The following VIPR2 variants were observed in gnomAD, a reference collection of about 807,000 sequenced individuals.
VIPR2 encodes the protein vasoactive intestinal polypeptide receptor 2.
VIPR2 carries 48 observed loss-of-function variants against 58.0 expected under a neutral mutation model. The ratio of observed to expected loss-of-function variants is 0.83; its 90% CI spans 0.66 to 1.05. VIPR2 has a LOEUF of 1.05. Ranked by LOEUF, VIPR2 falls within the 50% of genes least tolerant of loss-of-function variation. VIPR2 has a pLI of 0.00. For missense variants in VIPR2, 534 were observed against 558.0 expected (o/e 0.96, Z 0.43); for synonymous variants, 243 against 235.2 (o/e 1.03, Z -0.30).
At chr7:159,075,776 C>T (rs191974057) in intron 4 of VIPR2, among the ~76,000 whole-genome samples, 6,198 of 143,488 alleles carry the variant, frequency 0.043, 235 homozygotes, top group African/African-American at 0.11. Flanking sequence ...CCGGCACCCA[C>T]GGACCCGCTG....
intron 4 of VIPR2, among the ~76,000 whole-genome samples, chr7:159,101,961 C>T (rs181217537): frequency 7.1e-4 from 103 of 144,870 alleles, no homozygotes; most frequent in African/African-American, 2.5e-3. Context: ...CGAGATCCGA[C>T]GAGGTGGTTC....
chr7:159,114,335 CCTGT>C (rs1221831406), intron 2 of VIPR2, among the ~76,000 whole-genome samples: 4 of 151,680 alleles, frequency 2.6e-5, no homozygotes, highest in African/African-American at 9.7e-5. Context: ...CTTGGAGACG[CCTGT>C]CTGTTTGGAA....
chr7:159,103,920 G>T, intron 3 of VIPR2, 66 bp from the exon 4 acceptor site: 1 of 1,399,514 alleles, frequency 7.1e-7, no homozygotes, highest in Non-Finnish European at 1.0e-6. Context: ...AGGGACCTTA[G>T]TCCGTGCTGA....
intron 5 of VIPR2, among the ~76,000 whole-genome samples, chr7:159,046,960 C>T (rs1413517770): frequency 1.3e-5 from 2 of 152,170 alleles, no homozygotes; most frequent in African/African-American, 2.4e-5. Flanking sequence ...CTGGGCCGGG[C>T]GCGGTGGCTC....
intron 5 of VIPR2, among the ~76,000 whole-genome samples, chr7:159,049,534 C>T (rs561347120): frequency 6.6e-6 from 1 of 152,288 alleles, no homozygotes; most frequent in African/African-American, 2.4e-5. Context: ...GGCAGCCTCA[C>T]CCGCCACAGC....
chr7:159,064,839 G>A (rs543428837), intron 4 of VIPR2, among the ~76,000 whole-genome samples: 8 of 152,298 alleles, frequency 5.3e-5, no homozygotes, highest in South Asian at 2.1e-4. Flanking sequence ...CAGAGGCCTC[G>A]CCTAGAGGCC....
intron 8 of VIPR2, among the ~76,000 whole-genome samples, chr7:159,035,522 A>G (rs1853881140): frequency 6.6e-6 from 1 of 152,248 alleles, no homozygotes; most frequent in Admixed American, 6.5e-5. Context: ...CAGGGAGAGC[A>G]TAGTGGAAAA....
chr7:159,118,177 C>T (rs1796315595), intron 2 of VIPR2, among the ~76,000 whole-genome samples: 1 of 152,224 alleles, frequency 6.6e-6, no homozygotes, highest in Non-Finnish European at 1.5e-5. Context: ...GTGACCACTC[C>T]TTCCGAAGGT....
chr7:159,140,272 C>T (rs1298860072), intron 2 of VIPR2, among the ~76,000 whole-genome samples: 1 of 152,198 alleles, frequency 6.6e-6, no homozygotes, highest in African/African-American at 2.4e-5. Flanking sequence ...CACCTGGCGT[C>T]AGGTGCAAAT....
At chr7:159,034,489 G>C (rs1853796760) in intron 9 of VIPR2, 92 bp downstream of exon 9, 14 of 1,391,496 alleles carry the variant, frequency 1.0e-5, no homozygotes, top group Admixed American at 1.7e-5. Flanking sequence ...CGTGGAATGG[G>C]GTCAGTTCTA....
At chr7:159,076,877 C>T (rs1230017437) in intron 4 of VIPR2, among the ~76,000 whole-genome samples, 1 of 152,068 alleles carries the variant, frequency 6.6e-6, no homozygotes, top group Non-Finnish European at 1.5e-5. Flanking sequence ...AGACATACAA[C>T]TTTTATTACT....
intron 2 of VIPR2, among the ~76,000 whole-genome samples, chr7:159,134,497 A>C (rs1048895845): frequency 2.2e-4 from 34 of 152,184 alleles, no homozygotes; most frequent in African/African-American, 7.5e-4. Context: ...AGTAAGAAAA[A>C]AACTGAGTGG....
intron 8 of VIPR2, chr7:159,035,599 AC>A: frequency 8.5e-6 from 7 of 826,120 alleles, no homozygotes; most frequent in Non-Finnish European, 1.0e-5. Flanking sequence ...AGCCACCATC[AC>A]CTGACCTTCC....
Position 159,095,793 on chromosome 7 carries a change from C to A in VIPR2, c.357+7964G>T, listed in dbSNP as rs1288104633. Reference sequence around the variant, plus strand: ...CCGACCTGACAGGCAGTAGGTGAATCCCTTCAAAACTCTTCCTTCTCTCTT... The same window carrying A: ...CCGACCTGACAGGCAGTAGGTGAATACCTTCAAAACTCTTCCTTCTCTCTT... On this transcript the variant is annotated intron_variant, in intron 4 of 12. Coordinates refer to ENST00000262178, the MANE Select transcript of VIPR2 (RefSeq NM_003382.5). The surrounding 1 kb of genome is among the most constrained non-coding windows in gnomAD (Gnocchi z 5.2). Among the ~76,000 whole-genome samples the A allele has an allele frequency of 6.8e-6, 1 of 148,104 alleles. No individual in the cohort carries two copies. The highest frequency in any genetic ancestry group is 1.5e-5 in the Non-Finnish European group (1 of 67,608).
intron 4 of VIPR2, among the ~76,000 whole-genome samples, chr7:159,078,632 C>T (rs1429870829): frequency 6.6e-6 from 1 of 152,160 alleles, no homozygotes; most frequent in Non-Finnish European, 1.5e-5. Context: ...AAAATATTTA[C>T]AGTTATAGCA....
At chr7:159,132,051 G>T (rs1295563917) in intron 2 of VIPR2, among the ~76,000 whole-genome samples, 1 of 151,950 alleles carries the variant, frequency 6.6e-6, no homozygotes, top group Non-Finnish European at 1.5e-5. Context: ...CTTCTGTGTC[G>T]TCTATAAAAG....
Position 159,095,940 on chromosome 7 carries a change from T to C in VIPR2, c.357+7817A>G, listed in dbSNP as rs1857809160. ...GTCCTGAAGCATGTGCTGTGTGTCC[T>C]GGAGGGGCCAGTGTGGTGTGTGGTG... On this transcript the variant is annotated intron_variant, in intron 4 of 12. Coordinates refer to ENST00000262178, the MANE Select transcript of VIPR2 (RefSeq NM_003382.5). The surrounding 1 kb of genome is among the most constrained non-coding windows in gnomAD (Gnocchi z 5.2). Among the ~76,000 whole-genome samples the C allele has an allele frequency of 1.3e-5, 2 of 152,300 alleles. No homozygotes were observed. Among genetic ancestry groups the C allele is most frequent in the Non-Finnish European group, 2.9e-5 (2 of 68,028 alleles).
In VIPR2 at chr7:159,091,999, C is replaced by A. The variant is rs149181769; in HGVS notation, c.357+11758G>T. ...CCCAGCTACTCTGGAGGCTGAGGCACGAGAATCGCTTGAACCTGGGAGGCG... is the reference window on the plus strand; with the variant it reads ...CCCAGCTACTCTGGAGGCTGAGGCAAGAGAATCGCTTGAACCTGGGAGGCG... On this transcript the variant is annotated intron_variant, in intron 4 of 12. Transcript: ENST00000262178. Among the ~76,000 whole-genome samples the A allele has an allele frequency of 9.4e-3, 1,436 of 152,276 alleles. 14 individuals are homozygous for A. The highest frequency in any genetic ancestry group is 0.015 in the Non-Finnish European group (1,011 of 68,012).
At chr7:159,105,076 T>C (rs1283749901) in intron 3 of VIPR2, among the ~76,000 whole-genome samples, 3 of 152,216 alleles carry the variant, frequency 2.0e-5, no homozygotes, top group Non-Finnish European at 4.4e-5. Context: ...TAAAATCATA[T>C]GTAAGCTCAG....
Sources: gnomAD v4.1 joint callset for allele counts (sites outside exome capture counted in the v4.1 genomes callset) on GRCh38, gnomAD v4.1.1 for gene constraint, Gnocchi (gnomAD v3.1) non-coding constraint, MANE v1.5 for transcripts, NCBI Gene and HGNC (gene_info 2026-07-23, HGNC 2026-07-21) for gene names.